Variants in SEMA4D observed in about 807,000 individuals in gnomAD.
SEMA4D encodes the protein semaphorin 4D.
A neutral mutation model predicts 74.8 loss-of-function variants in SEMA4D; 22 were observed. The ratio of observed to expected loss-of-function variants is 0.29; its 90% CI spans 0.21 to 0.42. The LOEUF is 0.42. Ranked by LOEUF, SEMA4D falls within the 10% of genes least tolerant of loss-of-function variation. The pLI, the probability that SEMA4D is intolerant of heterozygous loss-of-function variation, is 1.00. For synonymous variants in SEMA4D, 445 were observed against 463.7 expected, an observed-to-expected ratio of 0.96 and a Z score of 0.52; for missense variants, 937 against 1,118.4, an observed-to-expected ratio of 0.84 and a Z score of 2.31.
intron 1 of SEMA4D, among the ~76,000 whole-genome samples, chr9:89,463,085 T>C (rs918598561): frequency 1.3e-5 from 2 of 150,392 alleles, no homozygotes; most frequent in African/African-American, 4.9e-5. Flanking sequence ...AAGCCAAACC[T>C]AGAAGGCTTC....
intron 2 of SEMA4D, among the ~76,000 whole-genome samples, chr9:89,446,777 C>A (rs773515749): frequency 6.6e-6 from 1 of 152,084 alleles, no homozygotes; most frequent in South Asian, 2.1e-4. Flanking sequence ...GGCACACTGG[C>A]GGGGGAGGAC....
At chr9:89,368,125 ACTC>A (rs922617689) in intron 16 of SEMA4D, 2 of 151,872 alleles carry the variant, frequency 1.3e-5, no homozygotes, top group African/African-American at 4.8e-5. Context: ...CTCCTGCAGC[ACTC>A]CTCTGTGTCC....
chr9:89,393,707 T>C (rs912480364), intron 6 of SEMA4D, 52 bp from the exon 7 acceptor site: 1 of 1,345,346 alleles, frequency 7.4e-7, no homozygotes, highest in Non-Finnish European at 1.1e-6. Flanking sequence ...ATTTCTATAG[T>C]AACAATGTGT....
At chr9:89,400,432 T>TA (rs1841944655) in intron 4 of SEMA4D, among the ~76,000 whole-genome samples, 1 of 152,248 alleles carries the variant, frequency 6.6e-6, no homozygotes, top group African/African-American at 2.4e-5. Flanking sequence ...AAAAGGCTTG[T>TA]AGCAGGTGTC....
At chr9:89,463,315 T>C (rs111655520) in intron 1 of SEMA4D, among the ~76,000 whole-genome samples, 14 of 152,328 alleles carry the variant, frequency 9.2e-5, no homozygotes, top group Admixed American at 2.6e-4. Flanking sequence ...CAGTGGAACA[T>C]GGTTAACCCA....
chr9:89,442,062 C>G (rs1203918088), intron 2 of SEMA4D, among the ~76,000 whole-genome samples: 1 of 152,036 alleles, frequency 6.6e-6, no homozygotes, highest in African/African-American at 2.4e-5. Flanking sequence ...AATGGCCAGG[C>G]TGGTGAGTTC....
At chr9:89,479,750 C>T (rs533984814) in intron 1 of SEMA4D, 37 of 109,072 alleles carry the variant, frequency 3.4e-4, no homozygotes, top group African/African-American at 1.1e-3. Flanking sequence ...CTCGTGGTCT[C>T]GCTGGGCTCA....
chr9:89,454,496 G>C (rs1445199072), intron 2 of SEMA4D, among the ~76,000 whole-genome samples: 1 of 152,110 alleles, frequency 6.6e-6, no homozygotes, highest in Non-Finnish European at 1.5e-5. Flanking sequence ...GGACAGGTGG[G>C]CCCTCCACCA....
chr9:89,471,480 T>C (rs988813084), intron 1 of SEMA4D, among the ~76,000 whole-genome samples: 2 of 152,172 alleles, frequency 1.3e-5, no homozygotes, highest in African/African-American at 4.8e-5. Context: ...AGCTAAAGTC[T>C]CTCCCCACCA....
chr9:89,447,123 G>A (rs9330435), intron 2 of SEMA4D, among the ~76,000 whole-genome samples: 48,298 of 151,672 alleles, frequency 0.32, 7,949 homozygotes, highest in Middle Eastern at 0.45. Flanking sequence ...TTCCAATCTC[G>A]ATGGAGGCAC....
chr9:89,449,680 C>T (rs536460243), intron 2 of SEMA4D: 102 of 1,510,378 alleles, frequency 6.8e-5, no homozygotes, highest in Non-Finnish European at 3.7e-5. Flanking sequence ...GCATCTAGCT[C>T]AGGTGTGTCA....
chr9:89,435,670 A>G (rs1850231354), intron 2 of SEMA4D, among the ~76,000 whole-genome samples: 2 of 152,146 alleles, frequency 1.3e-5, no homozygotes, highest in Non-Finnish European at 2.9e-5. Context: ...AACATCAGCC[A>G]CACCCACGGC....
intron 1 of SEMA4D, among the ~76,000 whole-genome samples, chr9:89,475,314 G>A (rs548805751): frequency 1.3e-5 from 2 of 152,332 alleles, no homozygotes; most frequent in Admixed American, 1.3e-4. Context: ...CAGATCCTGA[G>A]CCTCAGCCAG....
intron 1 of SEMA4D, among the ~76,000 whole-genome samples, chr9:89,457,468 G>A (rs1856220430): frequency 6.6e-6 from 1 of 152,240 alleles, no homozygotes; most frequent in Non-Finnish European, 1.5e-5. Flanking sequence ...TGGGCACAGT[G>A]GTTCACGCCT....
downstream of SEMA4D, among the ~76,000 whole-genome samples, chr9:89,372,919 C>T (rs963535855): frequency 6.6e-6 from 1 of 152,092 alleles, no homozygotes. Flanking sequence ...TGGATCTTTC[C>T]GTATCATCTT....
At chr9:89,494,220 T>C (rs1326483555) in intron 1 of SEMA4D, among the ~76,000 whole-genome samples, 1 of 152,214 alleles carries the variant, frequency 6.6e-6, no homozygotes, top group Non-Finnish European at 1.5e-5. Context: ...CCAAAAATAA[T>C]TCCTTGTAAC....
chr9:89,479,119 C>A (rs1862523933), intron 1 of SEMA4D, among the ~76,000 whole-genome samples: 1 of 152,186 alleles, frequency 6.6e-6, no homozygotes, highest in South Asian at 2.1e-4. Flanking sequence ...GGTTTCCTCA[C>A]AGCATGGCTG....
At chr9:89,450,866 T>C (rs1304586916) in intron 2 of SEMA4D, 2 of 505,862 alleles carry the variant, frequency 4.0e-6, no homozygotes, top group Admixed American at 6.8e-5. Flanking sequence ...AGAGTGGGGG[T>C]GTCCCTGCCG....
At chr9:89,403,128 G>A (rs1386506228) in intron 3 of SEMA4D, 112 bp from the exon 4 acceptor site, 1 of 1,268,332 alleles carries the variant, frequency 7.9e-7, no homozygotes, top group Non-Finnish European at 1.1e-6. Flanking sequence ...GCACGTCTGG[G>A]TGCAGTCATG....
Sources: gnomAD v4.1 joint callset for allele counts (sites outside exome capture counted in the v4.1 genomes callset) on GRCh38, gnomAD v4.1.1 for gene constraint, MANE v1.5 for transcripts, NCBI Gene and HGNC (gene_info 2026-07-23, HGNC 2026-07-21) for gene names.